IFT74: variants seen among roughly 807,000 people sequenced by gnomAD.
IFT74 encodes intraflagellar transport 74, also known as intraflagellar transport protein 74 homolog.
Under a neutral mutation model 96.7 loss-of-function variants are expected in IFT74, and 92 were observed. The observed-to-expected ratio is 0.95, with a 90% confidence interval of 0.80 to 1.13. IFT74 has a LOEUF of 1.13. IFT74 is among the 50% of genes most tolerant of loss of function. The probability of loss-of-function intolerance (pLI) is 0.00; values close to 1 mark genes in which losing one functional copy is unlikely to be tolerated. For synonymous variants in IFT74, 223 were observed against 213.2 expected, an observed-to-expected ratio of 1.05 and a Z score of -0.40; for missense variants, 811 against 698.2, an observed-to-expected ratio of 1.16 and a Z score of -1.82.
Position 27,036,222 on chromosome 9 carries a change from C to T in IFT74, c.1054+7118C>T, listed in dbSNP as rs556441928. ...AGGAGGAAGAGTTTGGTCTTGCTAT[C>T]TCAGGGGTAGCAGAGGCAGAAGAAA... On this transcript the variant is annotated intron_variant, in intron 13 of 19. Coordinates refer to ENST00000380062, the MANE Select transcript of IFT74 (RefSeq NM_025103.4). Among the ~76,000 whole-genome samples the T allele has an allele frequency of 4.6e-5, 7 of 152,310 alleles. No individual in the cohort carries two copies. The South Asian group carries it at 1.2e-3, about 27-fold the overall frequency.
At chr9:26,996,116 T>A (rs2131567558) in intron 8 of IFT74, among the ~76,000 whole-genome samples, 2 of 152,332 alleles carry the variant, frequency 1.3e-5, no homozygotes, top group African/African-American at 4.8e-5. Context: ...TCAGAGAAGT[T>A]AAATAATTTG....
intron 4 of IFT74, chr9:26,982,538 C>A (rs1827431400): frequency 3.5e-6 from 1 of 286,740 alleles, no homozygotes; most frequent in Admixed American, 4.8e-5. Flanking sequence ...GCACCGCAAC[C>A]TCCGCCTCCC....
intron 8 of IFT74, among the ~76,000 whole-genome samples, chr9:27,007,068 A>T (rs773695885): frequency 6.6e-6 from 1 of 151,566 alleles, no homozygotes; most frequent in Non-Finnish European, 1.5e-5. Context: ...CGATCTCCTG[A>T]CCTCGTGATC....
At chr9:26,986,360 A>T (rs1438792011) in intron 6 of IFT74, among the ~76,000 whole-genome samples, 1 of 150,610 alleles carries the variant, frequency 6.6e-6, no homozygotes, top group Non-Finnish European at 1.5e-5. Context: ...CTGTTGCCCA[A>T]GCTGGAATGC....
chr9:26,993,716 C>T (rs188866145), intron 8 of IFT74: 17 of 152,214 alleles, frequency 1.1e-4, no homozygotes, highest in Non-Finnish European at 1.5e-4. Context: ...CTATACCATA[C>T]ACAACATACA....
chr9:27,021,627 C>A (rs929835391), intron 12 of IFT74, among the ~76,000 whole-genome samples: 13 of 152,054 alleles, frequency 8.5e-5, no homozygotes, highest in Admixed American at 7.2e-4. Flanking sequence ...TGTATATCTT[C>A]TTTTGAGAGT....
rs750455621 is a variant in IFT74, at chr9:26,984,353, G to C, written c.402G>C (p.Lys134Asn). 3.2e-6 allele frequency: 5 copies of C among 1,584,630 alleles called. No individual in the cohort carries two copies. The highest frequency in any genetic ancestry group is 4.3e-6 in the Non-Finnish European group (5 of 1,164,200). Reference protein sequence around the residue: ...QENSVYLSYEKRAETLAVEIK... With the variant: ...QENSVYLSYENRAETLAVEIK... ...ATTCAGTATATTTGTCATATGAAAA[G>C]AGGTGAGTAATAAGTATTCAGTATT... is the stretch of plus-strand genomic sequence containing the variant. Residue 134 changes from lysine (K) to asparagine (N), a missense_variant and splice_region_variant, in exon 5 of 20, where the codon AAG (lysine) becomes AAC (asparagine). Coordinates refer to ENST00000380062, the MANE Select transcript of IFT74 (RefSeq NM_025103.4).
intron 8 of IFT74, among the ~76,000 whole-genome samples, chr9:27,000,382 G>C (rs780615955): frequency 6.6e-6 from 1 of 152,074 alleles, no homozygotes; most frequent in Non-Finnish European, 1.5e-5. Flanking sequence ...TATATTGATG[G>C]TCTTGATTTT....
At chr9:26,997,618 G>T (rs780869486) in intron 8 of IFT74, 1 of 1,160,968 alleles carries the variant, frequency 8.6e-7, no homozygotes, top group Non-Finnish European at 1.2e-6. Flanking sequence ...ACAGGCATGA[G>T]CCACTGCGCC....
chr9:27,056,857 T>TA (rs1820183684), intron 18 of IFT74, among the ~76,000 whole-genome samples: 1 of 134,802 alleles, frequency 7.4e-6, no homozygotes, highest in African/African-American at 2.7e-5. Context: ...TTTTAGTCAA[T>TA]GGATAGATAG....
intron 1 of IFT74, among the ~76,000 whole-genome samples, chr9:26,961,208 G>A (rs962916804): frequency 2.7e-5 from 4 of 150,240 alleles, no homozygotes; most frequent in African/African-American, 7.4e-5. Context: ...CTCCTGCCTC[G>A]GCCTCCTGAG....
rs1234991732 is a variant in IFT74, at chr9:27,055,524, A to T, written c.1334-85A>T. On this transcript the variant is annotated intron_variant, in intron 16 of 19. Coordinates refer to ENST00000380062, the MANE Select transcript of IFT74 (RefSeq NM_025103.4). The stretch of plus-strand genomic sequence containing the variant: ...TCTTTTACAGATATTCTTAAAAAAC[A>T]TGATTTTTAATAGTTGCATTACATT... 3 of 883,486 alleles carry T rather than the reference A, an allele frequency of 3.4e-6. No homozygotes were observed. The East Asian group carries it at 9.0e-5, about 27-fold the overall frequency. The allele number at this position is 883,486 out of a possible 1,614,324, so 54.7% of individuals were successfully genotyped here. A position where few individuals can be genotyped will look rare whatever the true frequency, so the allele number is the denominator to read the frequency against.
At chr9:26,991,147 TGATGGATA>T (rs1485298740) in intron 8 of IFT74, among the ~76,000 whole-genome samples, 3 of 152,228 alleles carry the variant, frequency 2.0e-5, no homozygotes, top group Non-Finnish European at 4.4e-5. Flanking sequence ...AAATATTTGA[TGATGGATA>T]GATGTTAAAA....
chr9:26,998,726 G>A (rs1376569208), intron 8 of IFT74, among the ~76,000 whole-genome samples: 1 of 152,026 alleles, frequency 6.6e-6, no homozygotes, highest in Non-Finnish European at 1.5e-5. Flanking sequence ...GCTCACGCCT[G>A]TAATCCCAGC....
chr9:27,032,069 T>C (rs1247750193), intron 13 of IFT74, among the ~76,000 whole-genome samples: 1 of 152,140 alleles, frequency 6.6e-6, no homozygotes, highest in Non-Finnish European at 1.5e-5. Flanking sequence ...AGAACAGCAT[T>C]ACTATTATAA....
intron 4 of IFT74, among the ~76,000 whole-genome samples, chr9:26,981,162 A>G (rs1251247380): frequency 6.6e-6 from 1 of 152,188 alleles, no homozygotes; most frequent in African/African-American, 2.4e-5. Context: ...TAAAGTCCCT[A>G]CCTCTTAATA....
chr9:27,008,051 GATT>G (rs1170871894), intron 8 of IFT74, among the ~76,000 whole-genome samples: 5 of 152,116 alleles, frequency 3.3e-5, no homozygotes, highest in African/African-American at 1.2e-4. Context: ...ACTTTTATAG[GATT>G]ATGTTTGTAA....
intron 13 of IFT74, among the ~76,000 whole-genome samples, chr9:27,044,438 G>A (rs1249180850): frequency 2.0e-5 from 3 of 152,130 alleles, no homozygotes; most frequent in African/African-American, 7.2e-5. Context: ...AAGATGGAAT[G>A]GACTTTCTTG....
rs1564006711 is a variant in IFT74 at position 27,055,599 on chromosome 9, T to A, written c.1334-10T>A. 2.6e-6 allele frequency: 4 copies of A among 1,557,186 alleles called. No individual in the cohort carries two copies. Among genetic ancestry groups the A allele is most frequent in the East Asian group, 2.4e-5 (1 of 42,314 alleles). ...TTGATTAATTATCACCTTAAATTCTTATGTTTCAGACATTCAACGTCTGCA... is the reference window on the plus strand; with the variant it reads ...TTGATTAATTATCACCTTAAATTCTAATGTTTCAGACATTCAACGTCTGCA... On this transcript the variant is annotated splice_polypyrimidine_tract_variant and intron_variant, in intron 16 of 19. Coordinates refer to ENST00000380062, the MANE Select transcript of IFT74 (RefSeq NM_025103.4).
Sources: allele counts gnomAD v4.1 joint callset (sites outside exome capture counted in the v4.1 genomes callset), GRCh38; gene constraint gnomAD v4.1.1; transcripts MANE v1.5; gene names NCBI Gene and HGNC (gene_info 2026-07-23, HGNC 2026-07-21).